BTBD9: variants seen among roughly 807,000 people sequenced by gnomAD.
BTBD9 encodes the protein BTB domain containing 9.
Under a neutral mutation model 64.3 loss-of-function variants are expected in BTBD9, and 49 were observed. The ratio of observed to expected loss-of-function variants is 0.76; its 90% CI spans 0.61 to 0.97. BTBD9 has a LOEUF of 0.97. Among genes scored for constraint, BTBD9 ranks in the 50% least tolerant of loss-of-function variants. The pLI is 0.00. For synonymous variants in BTBD9, 260 were observed against 274.7 expected (o/e 0.95, Z 0.53); for missense variants, 598 against 762.1 (o/e 0.78, Z 2.53).
intron 6 of BTBD9, among the ~76,000 whole-genome samples, chr6:38,378,771 G>A (rs908645981): frequency 6.6e-6 from 1 of 151,274 alleles, no homozygotes; most frequent in South Asian, 2.1e-4. Flanking sequence ...CTACTCGGGA[G>A]GCTGAGGCAG....
chr6:38,464,098 A>G (rs1452667339), intron 6 of BTBD9, among the ~76,000 whole-genome samples: 1 of 152,172 alleles, frequency 6.6e-6, no homozygotes, highest in Non-Finnish European at 1.5e-5. Context: ...TGTCCTTATA[A>G]GAAGTGATTA....
chr6:38,349,985 G>C (rs529961866), intron 6 of BTBD9, among the ~76,000 whole-genome samples: 13 of 152,132 alleles, frequency 8.5e-5, no homozygotes, highest in Non-Finnish European at 1.9e-4. Context: ...GCCCATATTT[G>C]GGTTTAAAGT....
At chr6:38,212,573 C>T (rs1333864256) in intron 9 of BTBD9, among the ~76,000 whole-genome samples, 1 of 152,166 alleles carries the variant, frequency 6.6e-6, no homozygotes, top group Non-Finnish European at 1.5e-5. Flanking sequence ...GGGTGTAGGT[C>T]TCCACTAAAT....
intron 4 of BTBD9, among the ~76,000 whole-genome samples, chr6:38,588,961 A>G (rs1490915045): frequency 6.6e-6 from 1 of 152,224 alleles, no homozygotes; most frequent in African/African-American, 2.4e-5. Flanking sequence ...AAAAAAACCT[A>G]TCTTTTCAGG....
intron 6 of BTBD9, among the ~76,000 whole-genome samples, chr6:38,574,252 T>C (rs1267891863): frequency 3.9e-5 from 6 of 152,168 alleles, no homozygotes; most frequent in Non-Finnish European, 8.8e-5. Flanking sequence ...ACATCGACTA[T>C]CTTGGTGAGG....
intron 6 of BTBD9, among the ~76,000 whole-genome samples, chr6:38,503,140 C>T (rs925365271): frequency 6.6e-6 from 1 of 152,118 alleles, no homozygotes; most frequent in Non-Finnish European, 1.5e-5. Flanking sequence ...CTATGTGTCA[C>T]TTCTATTATT....
At chr6:38,412,558 A>T (rs763611886) in intron 6 of BTBD9, among the ~76,000 whole-genome samples, 1 of 137,360 alleles carries the variant, frequency 7.3e-6, no homozygotes, top group Admixed American at 7.3e-5. Context: ...GGACTACATT[A>T]AAAAAAAAAA....
chr6:38,193,867 C>T, intron 9 of BTBD9: 2 of 985,400 alleles, frequency 2.0e-6, no homozygotes, highest in Non-Finnish European at 2.4e-6. Context: ...TATGAACCTC[C>T]CACTGAGATT....
chr6:38,533,993 A>G, intron 6 of BTBD9, among the ~76,000 whole-genome samples: 1 of 152,102 alleles, frequency 6.6e-6, no homozygotes. Flanking sequence ...AGAGCAAATC[A>G]AACCAAAAAT....
chr6:38,611,770 T>TC (rs1777625419), intron 1 of BTBD9, among the ~76,000 whole-genome samples: 1 of 152,178 alleles, frequency 6.6e-6, no homozygotes, highest in Non-Finnish European at 1.5e-5. Context: ...AGTTCTCCAT[T>TC]CCCCTTGTAT....
At chr6:38,341,643 C>T (rs181048330) in intron 7 of BTBD9, among the ~76,000 whole-genome samples, 2 of 152,316 alleles carry the variant, frequency 1.3e-5, no homozygotes, top group Admixed American at 1.3e-4. Context: ...TAAATACATT[C>T]TTTGGGAGGT....
At chr6:38,204,056 TAAAAA>T (rs1561868712) in intron 9 of BTBD9, among the ~76,000 whole-genome samples, 1 of 151,948 alleles carries the variant, frequency 6.6e-6, no homozygotes, top group African/African-American at 2.4e-5. Context: ...AATTAAAAAT[TAAAAA>T]AAGATAACAG....
chr6:38,510,381 A>G (rs989576278), intron 6 of BTBD9, among the ~76,000 whole-genome samples: 2 of 152,218 alleles, frequency 1.3e-5, no homozygotes, highest in Non-Finnish European at 2.9e-5. Context: ...CCATGAACAG[A>G]GCTTGTAGGA....
At chr6:38,177,034 C>T (rs1761294207) in intron 10 of BTBD9, among the ~76,000 whole-genome samples, 1 of 152,202 alleles carries the variant, frequency 6.6e-6, no homozygotes, top group Non-Finnish European at 1.5e-5. Flanking sequence ...CCCACGCCCA[C>T]ACGCAGGACT....
Position 38,587,899 on chromosome 6 carries a change from T to C in BTBD9, c.814+4677A>G, listed in dbSNP as rs1047674709. On this transcript the variant is annotated intron_variant, in intron 4 of 10. Coordinates refer to ENST00000481247, the MANE Select transcript of BTBD9 (RefSeq NM_001099272.2). Reference sequence around the variant, plus strand: ...TTACGTCGGCATTTGGCTTAACAGATGATCAGGTTTCAGGGCAACCCAGTG... The same window carrying C: ...TTACGTCGGCATTTGGCTTAACAGACGATCAGGTTTCAGGGCAACCCAGTG... The C allele has an allele frequency of 3.2e-5, 23 of 723,710 alleles. No homozygotes were observed. The African/African-American group carries it at 3.6e-4, about 11-fold the overall frequency. The allele number at this position is 723,710 out of a possible 1,614,324, so 44.8% of individuals were successfully genotyped here. A position where few individuals can be genotyped will look rare whatever the true frequency, so the allele number is the denominator to read the frequency against.
intron 6 of BTBD9, among the ~76,000 whole-genome samples, chr6:38,432,550 G>A (rs1313712996): frequency 6.6e-6 from 1 of 151,890 alleles, no homozygotes; most frequent in Non-Finnish European, 1.5e-5. Flanking sequence ...AGAATCACAT[G>A]GACAGAGGTC....
intron 6 of BTBD9, among the ~76,000 whole-genome samples, chr6:38,451,489 A>G (rs1257051396): frequency 6.6e-6 from 1 of 152,178 alleles, no homozygotes; most frequent in Non-Finnish European, 1.5e-5. Context: ...CAGTTGTCTC[A>G]GACAGTACCC....
chr6:38,222,286 A>T, intron 9 of BTBD9, among the ~76,000 whole-genome samples: 1 of 104,932 alleles, frequency 9.5e-6, no homozygotes, highest in African/African-American at 3.5e-5. Flanking sequence ...TTTTTGAGAC[A>T]GTCTTGCTCT....
At chr6:38,458,822 G>A (rs535211673) in intron 6 of BTBD9, among the ~76,000 whole-genome samples, 1 of 152,132 alleles carries the variant, frequency 6.6e-6, no homozygotes, top group African/African-American at 2.4e-5. Context: ...TATTGATTCT[G>A]TTTCCCCCCT....
Sources: allele counts gnomAD v4.1 joint callset (sites outside exome capture counted in the v4.1 genomes callset), GRCh38; gene constraint gnomAD v4.1.1; transcripts MANE v1.5; gene names NCBI Gene and HGNC (gene_info 2026-07-23, HGNC 2026-07-21).